DUSP8: variants seen among roughly 807,000 people sequenced by gnomAD.
DUSP8 encodes the protein dual specificity protein phosphatase 8.
A neutral mutation model predicts 38.7 loss-of-function variants in DUSP8; 15 were observed. The ratio of observed to expected loss-of-function variants is 0.39; its 90% CI spans 0.26 to 0.60. DUSP8 has a LOEUF of 0.60. Ranked by LOEUF, DUSP8 falls within the 20% of genes least tolerant of loss-of-function variation. The pLI, the probability that DUSP8 is intolerant of heterozygous loss-of-function variation, is 0.56. For missense variants in DUSP8, 768 were observed against 915.0 expected (o/e 0.84, Z 2.07); for synonymous variants, 458 against 433.9 (o/e 1.06, Z -0.69).
chr11:1,567,647 G>A (rs1310076701), intron 1 of DUSP8, among the ~76,000 whole-genome samples: 1 of 152,242 alleles, frequency 6.6e-6, no homozygotes, highest in Non-Finnish European at 1.5e-5. Flanking sequence ...CAGAGGCCAG[G>A]GAAACACCTG....
chr11:1,567,847 G>C (rs980453222), intron 1 of DUSP8, among the ~76,000 whole-genome samples: 1 of 152,192 alleles, frequency 6.6e-6, no homozygotes, highest in Admixed American at 6.5e-5. Flanking sequence ...ACAGCAAAAG[G>C]GCCTGCTGCC....
Position 1,557,036 on chromosome 11 carries a change from G to T in DUSP8, c.1360C>A (p.Arg454Ser). The T allele has an allele frequency of 3.7e-6, 4 of 1,089,402 alleles. No homozygotes were observed. The highest frequency in any genetic ancestry group is 4.5e-6 in the Non-Finnish European group (4 of 897,890). The allele number at this position is 1,089,402 out of a possible 1,614,324, so 67.5% of individuals were successfully genotyped here. A position where few individuals can be genotyped will look rare whatever the true frequency, so the allele number is the denominator to read the frequency against. ...CCGGCGGGGGGCCGGGGCCGCCGGC[G>T]GGGCCGTGGGCGCGCCTCAGGCGCG... ...DAAPEARPRP[R>S]RRPRPPAGSP... Residue 454 changes from arginine (R) to serine (S), a missense_variant, in exon 7 of 7, where the codon CGC becomes AGC. Transcript: ENST00000397374. This position sits in a 1 kb window ranked among gnomAD's most constrained non-coding sequence, Gnocchi z 9.9.
At chr11:1,570,342 C>T (rs1413789423) in intron 1 of DUSP8, among the ~76,000 whole-genome samples, 1 of 152,164 alleles carries the variant, frequency 6.6e-6, no homozygotes, top group East Asian at 1.9e-4. Context: ...TCAGCGGGTG[C>T]AGTTCTCATG....
rs1397034259 is a variant in DUSP8, at chr11:1,557,324, G to C, written c.1072C>G (p.Pro358Ala). The change falls in exon 7 of 7, where the codon CCC becomes GCC. Residue 358 changes from proline (P) to alanine (A), a missense_variant. By Grantham distance (27) the Pro-to-Ala change is conservative. This residue lies in a region of DUSP8 where 474 missense variants were observed against 430.8 expected (regional missense o/e 1.10). Coordinates refer to ENST00000397374, the MANE Select transcript of DUSP8 (RefSeq NM_004420.3). This position sits in a 1 kb window ranked among gnomAD's most constrained non-coding sequence, Gnocchi z 9.9. ...REGGLSAGGE[P>A]PAPPTPPATS... ...GCCGGGGGCGTGGGGGGCGCGGGGG[G>C]CTCCCCGCCCGCGCTCAGGCCGCCC... 3 of 1,500,052 alleles carry C rather than the reference G, an allele frequency of 2.0e-6. No individual in the cohort carries two copies. Among genetic ancestry groups the C allele is most frequent in the Non-Finnish European group, 2.6e-6 (3 of 1,136,808 alleles). The allele number at this position is 1,500,052 out of a possible 1,614,324, so 92.9% of individuals were successfully genotyped here. A position where few individuals can be genotyped will look rare whatever the true frequency, so the allele number is the denominator to read the frequency against.
intron 1 of DUSP8, among the ~76,000 whole-genome samples, chr11:1,568,683 C>T (rs1438615760): frequency 1.3e-5 from 2 of 152,192 alleles, no homozygotes; most frequent in African/African-American, 2.4e-5. Context: ...AGCCCCTCCG[C>T]TCCTCTGCCC....
intron 1 of DUSP8, among the ~76,000 whole-genome samples, chr11:1,571,186 C>T (rs1848885847): frequency 6.6e-6 from 1 of 152,222 alleles, no homozygotes; most frequent in African/African-American, 2.4e-5. Flanking sequence ...GTATCCCCAC[C>T]TGGTCTGCTC....
rs1419668776 is a variant in DUSP8, at chr11:1,555,490, G to A, written c.*1028C>T. 2 of 936,624 alleles carry A rather than the reference G, an allele frequency of 2.1e-6. No individual in the cohort carries two copies. The highest frequency in any genetic ancestry group is 1.8e-5 in the African/African-American group (1 of 56,228). The allele number at this position is 936,624 out of a possible 1,614,324, so 58.0% of individuals were successfully genotyped here. ...GTTCTGCCTGGGGCATGGCTGGGAG[G>A]GGGGCGGGGCAGACCTGGAACAGAA... is the stretch of plus-strand genomic sequence containing the variant. On this transcript the variant is annotated 3_prime_UTR_variant, in exon 7 of 7. Transcript: ENST00000397374.
intron 3 of DUSP8, among the ~76,000 whole-genome samples, chr11:1,560,075 C>T (rs1848694220): frequency 6.6e-6 from 1 of 152,190 alleles, no homozygotes; most frequent in African/African-American, 2.4e-5. Flanking sequence ...GCAGCACCCA[C>T]CTGGTGGCTG....
At position 1,557,584 on chromosome 11, in the gene DUSP8, A is replaced by G. The variant is rs752312186; in HGVS notation, c.822-10T>C. The stretch of plus-strand genomic sequence containing the variant: ...CCTGTCCTTCACGAACCTGCGGGGG[A>G]GGAGGCTCAGTCCCAGGCGCCCGCC... On this transcript the variant is annotated splice_polypyrimidine_tract_variant and intron_variant, in intron 6 of 6. Transcript: ENST00000397374. The surrounding 1 kb of genome is among the most constrained non-coding windows in gnomAD (Gnocchi z 9.9). 5.1e-6 allele frequency: 8 copies of G among 1,556,318 alleles called. No individual in the cohort carries two copies. The highest frequency in any genetic ancestry group is 4.3e-6 in the Non-Finnish European group (5 of 1,159,708).
chr11:1,558,349 C>G lies in DUSP8; in HGVS notation c.538-78G>C. On this transcript the variant is annotated intron_variant, in intron 4 of 6. Coordinates refer to ENST00000397374, the MANE Select transcript of DUSP8 (RefSeq NM_004420.3). The surrounding 1 kb of genome is among the most constrained non-coding windows in gnomAD (Gnocchi z 6.3). ...AGTGAAGGTGGAGGCTTTTCCTGCC[C>G]TGCCGTCAGGAGGGCCTTTAGAATC... 7.9e-7 allele frequency: 1 copy of G among 1,261,226 alleles called. No homozygotes were observed. Among genetic ancestry groups the G allele is most frequent in the East Asian group, 2.5e-5 (1 of 39,512 alleles). The allele number at this position is 1,261,226 out of a possible 1,614,324, so 78.1% of individuals were successfully genotyped here. A position where few individuals can be genotyped will look rare whatever the true frequency, so the allele number is the denominator to read the frequency against.
chr11:1,569,874 G>C (rs1018040236), intron 1 of DUSP8, among the ~76,000 whole-genome samples: 7 of 152,200 alleles, frequency 4.6e-5, no homozygotes, highest in Admixed American at 2.6e-4. Context: ...TCTGGAGGCA[G>C]AAATCGTCAC....
chr11:1,564,012 C>T, intron 2 of DUSP8, 23 bp from the exon 3 acceptor site: 1 of 1,433,810 alleles, frequency 7.0e-7, no homozygotes, highest in Non-Finnish European at 9.2e-7. Context: ...GGGCAGAGAT[C>T]AGCATGCCGC....
chr11:1,554,855 C>G lies in DUSP8; in HGVS notation c.*1663G>C. 1.0e-5 allele frequency: 8 copies of G among 797,960 alleles called. No homozygotes were observed. The highest frequency in any genetic ancestry group is 1.2e-5 in the Non-Finnish European group (8 of 658,548). 49.4% of individuals were successfully genotyped at this position (797,960 alleles called of 1,614,324 possible). On this transcript the variant is annotated 3_prime_UTR_variant, in exon 7 of 7. Transcript: ENST00000397374. ...ACCTCTAATCCATAGATTGCAAATA[C>G]AACGATAGCTTATTTTCTTGGGGGA...
chr11:1,568,610 C>T (rs917864579), intron 1 of DUSP8, among the ~76,000 whole-genome samples: 2 of 152,156 alleles, frequency 1.3e-5, no homozygotes, highest in African/African-American at 4.8e-5. Context: ...AGTGGGCACG[C>T]GCCCCTCCCT....
intron 3 of DUSP8, among the ~76,000 whole-genome samples, chr11:1,560,624 C>T (rs1210543109): frequency 6.6e-6 from 1 of 152,224 alleles, no homozygotes; most frequent in Non-Finnish European, 1.5e-5. Context: ...GGTGACTTGT[C>T]ACCAACGACG....
chr11:1,557,708 G>C lies in DUSP8; in HGVS notation c.821+86C>G, dbSNP rs1192844575. 5 of 1,594,102 alleles carry C rather than the reference G, an allele frequency of 3.1e-6. No homozygotes were observed. Among genetic ancestry groups the C allele is most frequent in the Non-Finnish European group, 4.3e-6 (5 of 1,170,252 alleles). ...TCCTCCCTTGCCACGGGTCCTGGAC[G>C]GTGGGGTCATTCTGGTGCAAGTGGG... On this transcript the variant is annotated intron_variant, in intron 6 of 6. Transcript: ENST00000397374. This position sits in a 1 kb window ranked among gnomAD's most constrained non-coding sequence, Gnocchi z 9.9.
In DUSP8 at chr11:1,563,892, C is replaced by T. The variant is rs772949165; in HGVS notation, c.329G>A (p.Ser110Asn). ...AADSFLSILLSKLDGCFDSVA... is the reference protein window; with the variant it reads ...AADSFLSILLNKLDGCFDSVA... ...GCTGTCGAAGCAGCCGTCCAGCTTGCTCAGCAGGATGGAGAGGAAGCTGTC... is the reference window on the plus strand; with the variant it reads ...GCTGTCGAAGCAGCCGTCCAGCTTGTTCAGCAGGATGGAGAGGAAGCTGTC... The change falls in exon 3 of 7, where the codon AGC (serine) becomes AAC (asparagine). Residue 110 changes from serine (S) to asparagine (N), a missense_variant. Transcript: ENST00000397374. 9 of 1,552,332 alleles carry T rather than the reference C, an allele frequency of 5.8e-6. No homozygotes were observed. The highest frequency in any genetic ancestry group is 1.2e-5 in the South Asian group (1 of 83,850).
At position 1,558,353 on chromosome 11, in the gene DUSP8, C is replaced by A. The variant is rs1160447664; in HGVS notation, c.538-82G>T. The stretch of plus-strand genomic sequence containing the variant: ...AAGGTGGAGGCTTTTCCTGCCCTGC[C>A]GTCAGGAGGGCCTTTAGAATCCTGG... On this transcript the variant is annotated intron_variant, in intron 4 of 6. Transcript: ENST00000397374. This position sits in a 1 kb window ranked among gnomAD's most constrained non-coding sequence, Gnocchi z 6.3. 6.8e-6 allele frequency: 8 copies of A among 1,182,522 alleles called. No individual in the cohort carries two copies. In the East Asian group the frequency reaches 1.5e-4, roughly 23 times the overall value. The allele number at this position is 1,182,522 out of a possible 1,614,324, so 73.3% of individuals were successfully genotyped here.
Position 1,556,999 on chromosome 11 carries a change from C to A in DUSP8, c.1397G>T (p.Arg466Leu). The part of the protein sequence containing the change: ...RPRPPAGSPA[R>L]SPAHSLGLNF... ...CAGGCCGAGGCTGTGCGCGGGGGAG[C>A]GCGCGGGGGAGCCGGCGGGGGGCCG... Residue 466 changes from arginine to leucine, a missense_variant, in exon 7 of 7, where the codon CGC becomes CTC. Around this residue, in one of 3 missense-constraint regions of DUSP8, gnomAD observed 474 missense variants for 430.8 expected, o/e 1.10. Transcript: ENST00000397374. The surrounding 1 kb of genome is among the most constrained non-coding windows in gnomAD (Gnocchi z 5.2). 9.8e-7 allele frequency: 1 copy of A among 1,019,970 alleles called. No individual in the cohort carries two copies. Among genetic ancestry groups the A allele is most frequent in the Non-Finnish European group, 1.2e-6 (1 of 855,222 alleles). The allele number at this position is 1,019,970 out of a possible 1,614,324, so 63.2% of individuals were successfully genotyped here. A position where few individuals can be genotyped will look rare whatever the true frequency, so the allele number is the denominator to read the frequency against.
Sources: allele counts gnomAD v4.1 joint callset (sites outside exome capture counted in the v4.1 genomes callset), GRCh38; gene constraint gnomAD v4.1.1; regional missense constraint gnomAD v4.1.1; non-coding constraint Gnocchi (gnomAD v3.1); transcripts MANE v1.5; gene names NCBI Gene and HGNC (gene_info 2026-07-23, HGNC 2026-07-21).